The following PCDH11X variants were observed in gnomAD, a reference collection of about 807,000 sequenced individuals.
The protein encoded by PCDH11X is protocadherin-11 X-linked.
A neutral mutation model predicts 53.3 loss-of-function variants in PCDH11X; 18 were observed. The observed-to-expected ratio is 0.34, with a 90% CI of 0.23 to 0.50. The LOEUF (loss-of-function observed/expected upper bound fraction) is 0.50. PCDH11X is among the 20% of genes least tolerant of loss of function. The pLI, the probability that PCDH11X is intolerant of heterozygous loss-of-function variation, is 0.98. For synonymous variants in PCDH11X, 279 were observed against 393.3 expected, an observed-to-expected ratio of 0.71 and a Z score of 3.44; for missense variants, 570 against 1,032.4, an observed-to-expected ratio of 0.55 and a Z score of 6.14.
chrX:92,141,076 T>C (rs1432181673), intron 6 of PCDH11X, among the ~76,000 whole-genome samples: 3 of 111,576 alleles, frequency 2.7e-5, no homozygotes, highest in Admixed American at 9.6e-5. Context: ...AGGATTGTTA[T>C]TGATATTATT....
intron 6 of PCDH11X, among the ~76,000 whole-genome samples, chrX:92,147,820 T>TTTCTTTCTTTCTTTCC (rs1447340409): frequency 1.2e-5 from 1 of 83,905 alleles, no homozygotes; most frequent in Non-Finnish European, 2.1e-5. Context: ...CCTTTCTTTC[T>TTTCTTTCTTTCTTTCC]TTCTTTCTTT....
chrX:92,115,089 AT>A (rs1300805527), intron 6 of PCDH11X, among the ~76,000 whole-genome samples: 1 of 110,512 alleles, frequency 9.0e-6, no homozygotes, highest in Non-Finnish European at 1.9e-5. Context: ...GATTACAGGC[AT>A]GAGACACTGT....
In PCDH11X at chrX:92,287,982, T is replaced by C; in HGVS notation, c.3144+24839T>C. 3 of 515,319 alleles carry C rather than the reference T, an allele frequency of 5.8e-6. No individual in the cohort carries two copies. In the Admixed American group the frequency reaches 7.9e-5, roughly 14 times the overall value. 42.5% of individuals were successfully genotyped at this position (515,319 alleles called of 1,213,427 possible). ...CCATGTGAAGACTGTGCTTACTTCC[T>C]CTTCCCCTTCTGCCATGACCGTAAG... On this transcript the variant is annotated intron_variant, in intron 8 of 10. Transcript: ENST00000682573.
intron 6 of PCDH11X, among the ~76,000 whole-genome samples, chrX:92,141,155 T>A (rs1474793571): frequency 9.0e-6 from 1 of 111,507 alleles, no homozygotes; most frequent in Non-Finnish European, 1.9e-5. Flanking sequence ...TCTCTTAACA[T>A]TCCTCTCACA....
chrX:92,038,741 G>C (rs1339097921), intron 6 of PCDH11X, among the ~76,000 whole-genome samples: 2 of 107,120 alleles, frequency 1.9e-5, no homozygotes, highest in Non-Finnish European at 3.8e-5. Context: ...GAACCCAGAG[G>C]GAGGTGATTG....
intron 6 of PCDH11X, among the ~76,000 whole-genome samples, chrX:92,122,315 A>G (rs748965608): frequency 2.7e-5 from 3 of 111,244 alleles, no homozygotes; most frequent in Non-Finnish European, 5.6e-5. Context: ...ATCCAACCAC[A>G]ATGTTAACCA....
chrX:92,605,757 T>G lies in PCDH11X; in HGVS notation c.3368-12507T>G, dbSNP rs2148812270. Among the ~76,000 whole-genome samples, 2 of 111,881 alleles carry G rather than the reference T, an allele frequency of 1.8e-5. 1 individual carries two copies. Among genetic ancestry groups the G allele is most frequent in the Admixed American group, 1.9e-4 (2 of 10,519 alleles). ...ATGAAATAAAATGCTTAGAAATAAATTTAACAAAAGTCCTTCTTATCTTCT... is the reference window on the plus strand; with the variant it reads ...ATGAAATAAAATGCTTAGAAATAAAGTTAACAAAAGTCCTTCTTATCTTCT... On this transcript the variant is annotated intron_variant, in intron 10 of 10. Coordinates refer to ENST00000682573, the MANE Select transcript of PCDH11X (RefSeq NM_032968.5).
intron 10 of PCDH11X, among the ~76,000 whole-genome samples, chrX:92,563,047 G>GTTTTT (rs61411325): frequency 5.9e-4 from 26 of 43,872 alleles, no homozygotes; most frequent in Non-Finnish European, 6.8e-4. Context: ...CCTTGGTACC[G>GTTTTT]TTTTTTTTTT....
chrX:92,006,798 C>A (rs1441778947), intron 6 of PCDH11X, among the ~76,000 whole-genome samples: 1 of 111,195 alleles, frequency 9.0e-6, no homozygotes, highest in Admixed American at 9.6e-5. Flanking sequence ...GTGATCTAAG[C>A]AGTATCTTCT....
Position 92,472,089 on chromosome X carries a change from A to G in PCDH11X, c.3367+3767A>G, listed in dbSNP as rs748232330. ...TGTTGATAGTTTATTTTTGCTATGA[A>G]GCAGCCGTTTCATTTACTTAGATCT... is the stretch of plus-strand genomic sequence containing the variant. On this transcript the variant is annotated intron_variant, in intron 10 of 10. Coordinates refer to ENST00000682573, the MANE Select transcript of PCDH11X (RefSeq NM_032968.5). 5.1e-3 allele frequency among the ~76,000 whole-genome samples: 565 copies of G among 110,726 alleles called. 1 individual carries two copies. Among genetic ancestry groups the G allele is most frequent in the African/African-American group, 0.017 (524 of 30,488 alleles).
At chrX:92,060,744 G>A (rs2063512920) in intron 6 of PCDH11X, among the ~76,000 whole-genome samples, 1 of 111,232 alleles carries the variant, frequency 9.0e-6, no homozygotes, top group Non-Finnish European at 1.9e-5. Flanking sequence ...GGGCATTTAG[G>A]TTGGTTCCAT....
At chrX:91,943,546 G>A (rs1009149659) in intron 6 of PCDH11X, among the ~76,000 whole-genome samples, 2 of 107,640 alleles carry the variant, frequency 1.9e-5, no homozygotes, top group African/African-American at 3.4e-5. Flanking sequence ...TTTATCATCC[G>A]GTCCTTATAA....
intron 4 of PCDH11X, among the ~76,000 whole-genome samples, chrX:91,818,561 C>T (rs1176058017): frequency 3.7e-5 from 4 of 109,348 alleles, no homozygotes; most frequent in African/African-American, 6.7e-5. Flanking sequence ...AAAAATTAGC[C>T]GGGCATGGTG....
chrX:92,256,378 T>C (rs2067586459), intron 7 of PCDH11X, among the ~76,000 whole-genome samples: 1 of 111,080 alleles, frequency 9.0e-6, no homozygotes, highest in African/African-American at 3.3e-5. Context: ...GTACCTCAGA[T>C]GGAAATGCAG....
chrX:92,441,745 G>A lies in PCDH11X; in HGVS notation c.3344-26554G>A, dbSNP rs144743583. 9.5e-3 allele frequency among the ~76,000 whole-genome samples: 1,062 copies of A among 111,902 alleles called. 12 individuals carry two copies. The highest frequency in any genetic ancestry group is 0.033 in the African/African-American group (1,006 of 30,817). On this transcript the variant is annotated intron_variant, in intron 9 of 10. Coordinates refer to ENST00000682573, the MANE Select transcript of PCDH11X (RefSeq NM_032968.5). ...CAGTGTGGTAGGGAAATGTGGGGTC[G>A]GCACCCACACACAGAGTCCCTACTA... is the stretch of plus-strand genomic sequence containing the variant.
chrX:92,195,958 A>G (rs993465645), intron 6 of PCDH11X, among the ~76,000 whole-genome samples: 3 of 112,040 alleles, frequency 2.7e-5, no homozygotes, highest in Admixed American at 9.5e-5. Context: ...ACATTATTAA[A>G]TTATGTATTT....
At chrX:92,028,981 T>C (rs746269140) in intron 6 of PCDH11X, among the ~76,000 whole-genome samples, 241 of 109,415 alleles carry the variant, frequency 2.2e-3, no homozygotes, top group African/African-American at 7.7e-3. Context: ...GTACACACAC[T>C]CTTGGTTTTG....
chrX:92,383,630 C>T (rs1197097713), intron 8 of PCDH11X, among the ~76,000 whole-genome samples: 5 of 111,186 alleles, frequency 4.5e-5, no homozygotes, highest in Non-Finnish European at 9.4e-5. Context: ...CCAGCTTCAT[C>T]CATGTCCCTG....
At chrX:91,995,457 C>A (rs1306262651) in intron 6 of PCDH11X, among the ~76,000 whole-genome samples, 1 of 111,213 alleles carries the variant, frequency 9.0e-6, no homozygotes, top group Non-Finnish European at 1.9e-5. Flanking sequence ...CCCTATTGTG[C>A]ATTCTTGGTA....
Sources: allele counts gnomAD v4.1 joint callset (sites outside exome capture counted in the v4.1 genomes callset), GRCh38; gene constraint gnomAD v4.1.1; transcripts MANE v1.5; gene names NCBI Gene and HGNC (gene_info 2026-07-23, HGNC 2026-07-21).